The following PRKG1 variants were observed in gnomAD, a reference collection of about 807,000 sequenced individuals.
PRKG1 encodes the protein protein kinase cGMP-dependent 1.
A neutral mutation model predicts 88.1 loss-of-function variants in PRKG1; 35 were observed. The observed-to-expected ratio is 0.40, with a 90% CI of 0.30 to 0.53. The LOEUF is 0.53. Ranked by LOEUF, PRKG1 falls within the 20% of genes least tolerant of loss-of-function variation. The probability of loss-of-function intolerance (pLI) is 0.59; values close to 1 mark genes in which losing one functional copy is unlikely to be tolerated. For missense variants in PRKG1, 540 were observed against 839.8 expected, an observed-to-expected ratio of 0.64 and a Z score of 4.41; for synonymous variants, 303 against 292.5, an observed-to-expected ratio of 1.04 and a Z score of -0.37.
chr10:51,325,629 T>G (rs188814069), intron 2 of PRKG1, among the ~76,000 whole-genome samples: 12 of 152,348 alleles, frequency 7.9e-5, no homozygotes, highest in Admixed American at 7.8e-4. Flanking sequence ...GTAATTCCAT[T>G]TTCCTATATT....
intron 2 of PRKG1, among the ~76,000 whole-genome samples, chr10:51,439,012 T>A (rs10997560): frequency 0.53 from 79,826 of 150,082 alleles, 22,127 homozygotes; most frequent in African/African-American, 0.67. Context: ...TTTTTTTTTT[T>A]AAAAAAAAAG....
intron 2 of PRKG1, among the ~76,000 whole-genome samples, chr10:51,181,974 T>A (rs574258359): frequency 6.6e-6 from 1 of 152,248 alleles, no homozygotes; most frequent in Non-Finnish European, 1.5e-5. Flanking sequence ...GAGTGCACAG[T>A]TGGAACAACA....
chr10:51,741,250 T>A (rs1837426468), intron 3 of PRKG1, among the ~76,000 whole-genome samples: 1 of 152,180 alleles, frequency 6.6e-6, no homozygotes, highest in Non-Finnish European at 1.5e-5. Flanking sequence ...TTTGAAGATA[T>A]GTATCATGCA....
intron 3 of PRKG1, among the ~76,000 whole-genome samples, chr10:51,592,049 T>G (rs1167852234): frequency 6.6e-6 from 1 of 152,164 alleles, no homozygotes; most frequent in Non-Finnish European, 1.5e-5. Flanking sequence ...GCTGGACAGT[T>G]TTTCCAGAAG....
chr10:51,098,652 C>T (rs1160773858), intron 1 of PRKG1, among the ~76,000 whole-genome samples: 1 of 152,138 alleles, frequency 6.6e-6, no homozygotes, highest in Non-Finnish European at 1.5e-5. Flanking sequence ...CATGGTCTAA[C>T]AGGGGAACAA....
intron 3 of PRKG1, among the ~76,000 whole-genome samples, chr10:51,590,568 A>C (rs986922633): frequency 6.6e-6 from 1 of 152,204 alleles, no homozygotes; most frequent in Non-Finnish European, 1.5e-5. Context: ...TTTCTACACA[A>C]AGATTTCCTT....
intron 2 of PRKG1, among the ~76,000 whole-genome samples, chr10:51,347,450 A>G (rs1189695101): frequency 6.6e-6 from 1 of 152,164 alleles, no homozygotes. Flanking sequence ...TGATACTTTT[A>G]TATAACTTGA....
intron 2 of PRKG1, chr10:51,245,783 G>A (rs977734630): frequency 1.3e-5 from 2 of 152,064 alleles, no homozygotes; most frequent in African/African-American, 4.8e-5. Flanking sequence ...AACTGTAACT[G>A]TTGGAATTTG....
intron 2 of PRKG1, among the ~76,000 whole-genome samples, chr10:51,269,525 T>C (rs888149103): frequency 2.0e-5 from 3 of 152,334 alleles, no homozygotes; most frequent in Middle Eastern, 3.4e-3. Context: ...CATGGAATAC[T>C]ACTCAGCCAT....
chr10:51,665,780 T>A (rs960966565), intron 3 of PRKG1, among the ~76,000 whole-genome samples: 2 of 152,078 alleles, frequency 1.3e-5, no homozygotes, highest in Non-Finnish European at 2.9e-5. Flanking sequence ...ATTATACTAA[T>A]CTCAAGTCTA....
At chr10:52,200,086 A>C (rs896246823) in intron 9 of PRKG1, among the ~76,000 whole-genome samples, 4 of 151,844 alleles carry the variant, frequency 2.6e-5, no homozygotes, top group Non-Finnish European at 5.9e-5. Context: ...TAGTTGCGGG[A>C]GTACATGTGC....
intron 4 of PRKG1, among the ~76,000 whole-genome samples, chr10:51,879,803 G>A (rs1037886896): frequency 1.3e-5 from 2 of 152,194 alleles, no homozygotes; most frequent in African/African-American, 4.8e-5. Context: ...GGAATTGAAT[G>A]CCACCTGTGG....
chr10:51,735,243 G>A (rs1260278985), intron 3 of PRKG1, among the ~76,000 whole-genome samples: 2 of 152,120 alleles, frequency 1.3e-5, no homozygotes, highest in Non-Finnish European at 2.9e-5. Flanking sequence ...GGTCAATGTG[G>A]AGAAGTGAAA....
At chr10:51,410,683 G>C (rs540241911) in intron 2 of PRKG1, among the ~76,000 whole-genome samples, 2 of 152,126 alleles carry the variant, frequency 1.3e-5, no homozygotes, top group South Asian at 4.1e-4. Context: ...CCTCATTGCA[G>C]ATAGTAAAAC....
At chr10:51,895,671 C>T (rs568696177) in intron 4 of PRKG1, among the ~76,000 whole-genome samples, 1 of 151,906 alleles carries the variant, frequency 6.6e-6, no homozygotes, top group African/African-American at 2.4e-5. Context: ...TTTTTCCTTT[C>T]CCAAGCAGGT....
chr10:51,910,244 A>C (rs61847452), intron 5 of PRKG1: 113,647 of 151,518 alleles, frequency 0.75, 43,122 homozygotes, highest in African/African-American at 0.87. Flanking sequence ...ACATAGGTAA[A>C]TCCAGTGGGG....
At chr10:51,475,112 A>G (rs562173707) in intron 3 of PRKG1, among the ~76,000 whole-genome samples, 1 of 152,150 alleles carries the variant, frequency 6.6e-6, no homozygotes, top group African/African-American at 2.4e-5. Context: ...TTTAGGTAGC[A>G]GTAATTTAAA....
At chr10:51,743,765 T>TATATATATATATATATA (rs1837508225) in intron 3 of PRKG1, among the ~76,000 whole-genome samples, 1 of 132,914 alleles carries the variant, frequency 7.5e-6, no homozygotes, top group Admixed American at 7.6e-5. Flanking sequence ...TATATATATA[T>TATATATATATATATATA]TTAGTTGCCT....
At chr10:51,655,328 G>C (rs1031925682) in intron 3 of PRKG1, among the ~76,000 whole-genome samples, 1 of 152,046 alleles carries the variant, frequency 6.6e-6, no homozygotes, top group South Asian at 2.1e-4. Flanking sequence ...ACCTAACCAG[G>C]AAAATATAGG....
Sources: gnomAD v4.1 joint callset for allele counts (sites outside exome capture counted in the v4.1 genomes callset) on GRCh38, gnomAD v4.1.1 for gene constraint, MANE v1.5 for transcripts, NCBI Gene and HGNC (gene_info 2026-07-23, HGNC 2026-07-21) for gene names.